NEB: variants seen among roughly 807,000 people sequenced by gnomAD.
NEB encodes the protein nebulin.
A neutral mutation model predicts 952.2 loss-of-function variants in NEB; 512 were observed. The observed-to-expected ratio is 0.54, with a 90% confidence interval of 0.50 to 0.58. The LOEUF is 0.58. NEB is among the 20% of genes least tolerant of loss of function. The probability of loss-of-function intolerance (pLI) is 0.00; values close to 1 mark genes in which losing one functional copy is unlikely to be tolerated. For synonymous variants in NEB, 2,900 were observed against 3,149.8 expected, an observed-to-expected ratio of 0.92 and a Z score of 2.66; for missense variants, 8,428 against 9,231.1, an observed-to-expected ratio of 0.91 and a Z score of 3.56.
In NEB at chr2:151,549,653, G is replaced by A. The variant is rs200239095; in HGVS notation, c.20032C>T (p.Arg6678Cys). ...CCACTCACATAACTGCTCATGTAAC[G>A]GGTGTCCTTGATGTGTTTGAAGTGA... ...TPHFKHIKDT[R>C]YMSSYFKYKE... The change falls in exon 130 of 182, where the codon CGT becomes TGT. Residue 6678 changes from arginine (R) to cysteine (C), a missense_variant. Around this residue, in one of 11 missense-constraint regions of NEB, gnomAD observed 3,374 missense variants for 3,651.5 expected, o/e 0.92. Transcript: ENST00000397345. 651 of 1,597,844 alleles carry A rather than the reference G, an allele frequency of 4.1e-4. 4 individuals are homozygous for A. The highest frequency in any genetic ancestry group is 2.3e-4 in the East Asian group (10 of 44,404).
intron 167 of NEB, among the ~76,000 whole-genome samples, chr2:151,502,417 A>G (rs991742038): frequency 6.6e-6 from 1 of 152,046 alleles, no homozygotes; most frequent in Non-Finnish European, 1.5e-5. Flanking sequence ...AGCTGCAAAC[A>G]TAAAGAATAC....
Position 151,656,210 on chromosome 2 carries a change from G to A in NEB, c.6438C>T (p.Leu2146=), listed in dbSNP as rs1370224108. 1 of 1,611,986 alleles carries A rather than the reference G, an allele frequency of 6.2e-7. No individual in the cohort carries two copies. Among genetic ancestry groups the A allele is most frequent in the East Asian group, 2.2e-5 (1 of 44,844 alleles). ...GCTCAATGTTCATTGCATCTGGAAG[G>A]AGGATGTACTTGTGAATCAGGTGCT... ...NYKHLIHKYI[L]LPDAMNIELT... Residue 2146 remains leucine (L), a synonymous_variant, in exon 49 of 182, where the codon CTC becomes CTT. Transcript: ENST00000397345.
At chr2:151,632,676 AG>A (rs1461340828) in intron 65 of NEB, among the ~76,000 whole-genome samples, 1 of 148,030 alleles carries the variant, frequency 6.8e-6, no homozygotes, top group African/African-American at 2.5e-5. Flanking sequence ...ACTCTGTCTC[AG>A]AAAAAAAAAA....
chr2:151,664,916 A>G, intron 42 of NEB, 53 bp from the exon 43 acceptor site: 1 of 1,309,870 alleles, frequency 7.6e-7, no homozygotes, highest in Non-Finnish European at 1.1e-6. Context: ...GTTTGACCCA[A>G]TGCTAGCAAG....
At chr2:151,722,272 T>C (rs1370817584) in intron 9 of NEB, among the ~76,000 whole-genome samples, 2 of 152,204 alleles carry the variant, frequency 1.3e-5, no homozygotes, top group Admixed American at 1.3e-4. Flanking sequence ...GCAAATCCAA[T>C]GGTCATGTAA....
In NEB at chr2:151,650,814, T is replaced by C. The variant is rs2099021147; in HGVS notation, c.6987A>G (p.Pro2329=). ...HVGFRSLQDD[P]KLVLSMNVAK... is the part of the protein sequence containing the mutation. ...CTACATTCATGGACAACACAAGTTT[T>C]GGGTCATCTTGCAGACTCCGGAATC... The change falls in exon 53 of 182, where the codon CCA becomes CCG. Residue 2329 remains proline, a synonymous_variant. Transcript: ENST00000397345. 1 of 1,613,848 alleles carries C rather than the reference T, an allele frequency of 6.2e-7. No individual in the cohort carries two copies. Among genetic ancestry groups the C allele is most frequent in the Admixed American group, 1.7e-5 (1 of 60,004 alleles).
At chr2:151,507,118 A>C in intron 162 of NEB, 105 bp from the exon 163 acceptor site, 1 of 720,144 alleles carries the variant, frequency 1.4e-6, no homozygotes, top group South Asian at 1.7e-5. Flanking sequence ...TCTTTAAAAA[A>C]AAGTCTATGC....
chr2:151,709,362 C>A (rs1050259703), intron 12 of NEB, among the ~76,000 whole-genome samples: 2 of 152,140 alleles, frequency 1.3e-5, no homozygotes, highest in Non-Finnish European at 2.9e-5. Context: ...CAGTTTGGTT[C>A]CTCAGGCAAA....
Position 151,576,198 on chromosome 2 carries a change from T to C in NEB, c.16861A>G (p.Thr5621Ala). ...VNLKYTSIVD[T>A]PEVVLAKSNA... ...GATTTAGCAAGGACCACTTCAGGTG[T>C]GTCAACAATGCTTGTGTACTTAAGG... is the stretch of plus-strand genomic sequence containing the variant. The change falls in exon 106 of 182, where the codon ACA (threonine) becomes GCA (alanine). Residue 5621 changes from threonine (T) to alanine (A), a missense_variant. This residue lies in a region of NEB where 3,374 missense variants were observed against 3,651.5 expected (regional missense o/e 0.92). Transcript: ENST00000397345. 1 of 1,610,202 alleles carries C rather than the reference T, an allele frequency of 6.2e-7. No homozygotes were observed. Among genetic ancestry groups the C allele is most frequent in the Non-Finnish European group, 8.5e-7 (1 of 1,177,292 alleles).
chr2:151,655,573 C>T (rs1005072361), intron 50 of NEB, among the ~76,000 whole-genome samples, 199 bp from the exon 51 acceptor site: 1 of 151,796 alleles, frequency 6.6e-6, no homozygotes, highest in Non-Finnish European at 1.5e-5. Flanking sequence ...CTATTTTCTA[C>T]AATGGACTGA....
At chr2:151,725,206 C>A (rs1354531879) in intron 6 of NEB, among the ~76,000 whole-genome samples, 1 of 152,192 alleles carries the variant, frequency 6.6e-6, no homozygotes, top group South Asian at 2.1e-4. Flanking sequence ...GTGTGGAGAA[C>A]CACAGTGAGT....
At chr2:151,656,118 A>T in intron 49 of NEB, 35 bp downstream of exon 49, 1 of 1,574,710 alleles carries the variant, frequency 6.4e-7, no homozygotes. Flanking sequence ...CCATGCTAGG[A>T]TTCCAACCAT....
chr2:151,488,884 C>A (rs1042409734), intron 181 of NEB, among the ~76,000 whole-genome samples: 1 of 151,958 alleles, frequency 6.6e-6, no homozygotes, highest in Non-Finnish European at 1.5e-5. Context: ...GTATCTATTG[C>A]CATGCTAAAT....
intron 171 of NEB, 146 bp downstream of exon 171, chr2:151,497,480 C>T (rs1358302100): frequency 4.1e-6 from 6 of 1,463,102 alleles, no homozygotes; most frequent in Non-Finnish European, 4.5e-6. Context: ...CTAGAAGTAG[C>T]CCAAAGGAAA....
intron 175 of NEB, 138 bp downstream of exon 175, chr2:151,493,637 T>G (rs373164962): frequency 1.4e-4 from 117 of 811,978 alleles, no homozygotes; most frequent in East Asian, 2.2e-4. Flanking sequence ...GGGGTTGGTT[T>G]GTTGTTTTTA....
chr2:151,717,126 C>T (rs925240681), intron 10 of NEB, among the ~76,000 whole-genome samples: 1 of 152,248 alleles, frequency 6.6e-6, no homozygotes, highest in East Asian at 1.9e-4. Flanking sequence ...TGTAGTATTA[C>T]TGTCATAAGT....
chr2:151,666,024 T>G, intron 41 of NEB, 66 bp downstream of exon 41: 1 of 1,476,320 alleles, frequency 6.8e-7, no homozygotes, highest in Admixed American at 1.8e-5. Context: ...TGGGATGGAG[T>G]AAGTGGCTCC....
At chr2:151,723,823 A>C (rs1310702561) in intron 8 of NEB, among the ~76,000 whole-genome samples, 1 of 146,490 alleles carries the variant, frequency 6.8e-6, no homozygotes, top group Non-Finnish European at 1.5e-5. Context: ...GTGCTAACAC[A>C]ATGTAAGGAG....
At chr2:151,636,108 T>C (rs2098758568) in intron 64 of NEB, 119 bp downstream of exon 64, 2 of 888,434 alleles carry the variant, frequency 2.3e-6, no homozygotes, top group East Asian at 2.8e-5. Flanking sequence ...TGAAAAATCC[T>C]ACACAAATAT....
Sources: allele counts gnomAD v4.1 joint callset (sites outside exome capture counted in the v4.1 genomes callset), GRCh38; gene constraint gnomAD v4.1.1; regional missense constraint gnomAD v4.1.1; transcripts MANE v1.5; gene names NCBI Gene and HGNC (gene_info 2026-07-23, HGNC 2026-07-21).